ATP10B: variants seen among roughly 807,000 people sequenced by gnomAD.
ATP10B encodes the protein ATPase phospholipid transporting 10B (putative).
Under a neutral mutation model 141.2 loss-of-function variants are expected in ATP10B, and 122 were observed. The observed-to-expected ratio is 0.86, with a 90% CI of 0.75 to 1.00. The LOEUF is 1.00. ATP10B is among the 50% of genes least tolerant of loss of function. The probability of loss-of-function intolerance (pLI) is 0.00; values close to 1 mark genes in which losing one functional copy is unlikely to be tolerated. For synonymous variants in ATP10B, 685 were observed against 692.0 expected (o/e 0.99, Z 0.16); for missense variants, 1,876 against 1,825.3 (o/e 1.03, Z -0.51).
chr5:160,702,739 C>T (rs1003922857), intron 3 of ATP10B, among the ~76,000 whole-genome samples: 1 of 152,128 alleles, frequency 6.6e-6, no homozygotes, highest in Non-Finnish European at 1.5e-5. Context: ...TCCCATTATA[C>T]AAGATTACAA....
At chr5:160,788,063 TTTTA>T (rs1393101107) in intron 1 of ATP10B, among the ~76,000 whole-genome samples, 1 of 152,168 alleles carries the variant, frequency 6.6e-6, no homozygotes, top group African/African-American at 2.4e-5. Context: ...TCACCACCTG[TTTTA>T]TTTGTTACAT....
intron 3 of ATP10B, among the ~76,000 whole-genome samples, chr5:160,697,170 AT>A (rs1340440533): frequency 2.0e-5 from 3 of 152,202 alleles, no homozygotes; most frequent in Non-Finnish European, 4.4e-5. Flanking sequence ...AATTGATGAC[AT>A]TTTAGATTCA....
chr5:160,706,634 T>C lies in ATP10B; in HGVS notation c.-205+10275A>G, dbSNP rs539725572. Among the ~76,000 whole-genome samples the C allele has an allele frequency of 7.2e-5, 11 of 152,290 alleles. No individual in the cohort carries two copies. The South Asian group carries it at 2.1e-3, about 29-fold the overall frequency. On this transcript the variant is annotated intron_variant, in intron 3 of 25. Transcript: ENST00000327245. ...TTTGTTTAAAAATAACCTTTTTATTTTGAAGTAATTTCAGGTTTACAGAAA... is the reference window on the plus strand; with the variant it reads ...TTTGTTTAAAAATAACCTTTTTATTCTGAAGTAATTTCAGGTTTACAGAAA...
intron 2 of ATP10B, among the ~76,000 whole-genome samples, chr5:160,742,792 T>C (rs1767568310): frequency 6.6e-6 from 1 of 152,208 alleles, no homozygotes; most frequent in African/African-American, 2.4e-5. Flanking sequence ...TCCTAGTTTC[T>C]GGTTCTGGAT....
In ATP10B at chr5:160,716,943, G is replaced by A. The variant is rs1765700324; in HGVS notation, c.-239C>T. On this transcript the variant is annotated 5_prime_UTR_variant, in exon 3 of 26. Transcript: ENST00000327245. ...GAGTCCCTTTAAGGAGGTTAGACCAGTGACCTTTGCTGTGCCCCTACAGCC... is the reference window on the plus strand; with the variant it reads ...GAGTCCCTTTAAGGAGGTTAGACCAATGACCTTTGCTGTGCCCCTACAGCC... The A allele has an allele frequency of 1.0e-6, 1 of 985,324 alleles. No individual in the cohort carries two copies. Among genetic ancestry groups the A allele is most frequent in the South Asian group, 4.7e-5 (1 of 21,292 alleles). 61.0% of individuals were successfully genotyped at this position (985,324 alleles called of 1,614,324 possible). A position where few individuals can be genotyped will look rare whatever the true frequency, so the allele number is the denominator to read the frequency against.
Position 160,569,790 on chromosome 5 carries a change from AAC to A in ATP10B, c.3751-109_3751-108del, listed in dbSNP as rs1380558671. The A allele has an allele frequency of 1.7e-5, 16 of 923,900 alleles. No individual in the cohort carries two copies. In the Admixed American group the frequency reaches 1.7e-4, roughly 10 times the overall value. 57.2% of individuals were successfully genotyped at this position (923,900 alleles called of 1,614,324 possible). Reference sequence around the variant, plus strand: ...GTTTCAAACTATTTTTGAAATGCAAAACACACAAAATTCAAAAAAGTGTGCAG... The same window carrying A: ...GTTTCAAACTATTTTTGAAATGCAAAACACAAAATTCAAAAAAGTGTGCAG... On this transcript the variant is annotated intron_variant, in intron 24 of 25. Coordinates refer to ENST00000327245, the MANE Select transcript of ATP10B (RefSeq NM_025153.3).
intron 6 of ATP10B, among the ~76,000 whole-genome samples, chr5:160,675,153 C>T (rs573939657): frequency 2.6e-5 from 4 of 152,308 alleles, no homozygotes; most frequent in Admixed American, 2.0e-4. Context: ...AGAAGTCATT[C>T]TCTCATTAAT....
Position 160,634,385 on chromosome 5 carries a change from G to T in ATP10B, c.1350C>A (p.Ile450=), listed in dbSNP as rs753441225. The T allele has an allele frequency of 6.2e-7, 1 of 1,614,196 alleles. No homozygotes were observed. The highest frequency in any genetic ancestry group is 8.5e-7 in the Non-Finnish European group (1 of 1,180,026). Residue 450 remains isoleucine, a synonymous_variant, in exon 12 of 26, where the codon ATC becomes ATA. Transcript: ENST00000327245. Reference sequence around the variant, plus strand: ...CTTGGTGAGAATACTCGCTGCCCATGATGGTGCAACGTCGGAACACCATCT... The same window carrying T: ...CTTGGTGAGAATACTCGCTGCCCATTATGGTGCAACGTCGGAACACCATCT... ...ENKMVFRRCT[I]MGSEYSHQEN...
At chr5:160,850,396 C>T (rs1401677739) in intron 1 of ATP10B, among the ~76,000 whole-genome samples, 1 of 152,056 alleles carries the variant, frequency 6.6e-6, no homozygotes, top group East Asian at 1.9e-4. Context: ...TGCACGCCAG[C>T]CTGGGTGACA....
chr5:160,785,113 T>G (rs1771039003), intron 2 of ATP10B, among the ~76,000 whole-genome samples: 1 of 152,140 alleles, frequency 6.6e-6, no homozygotes, highest in East Asian at 1.9e-4. Context: ...GACAACCCAC[T>G]GAAGAGGTCA....
the ATP10B span, among the ~76,000 whole-genome samples, chr5:160,899,163 G>A: frequency 6.6e-6 from 1 of 151,922 alleles, no homozygotes; most frequent in Non-Finnish European, 1.5e-5. Context: ...CAATATAAAA[G>A]CATTTCCATT....
At chr5:160,574,689 C>A (rs1157049342) in intron 24 of ATP10B, among the ~76,000 whole-genome samples, 1 of 152,104 alleles carries the variant, frequency 6.6e-6, no homozygotes. Flanking sequence ...GAATTAGATG[C>A]CCTTATAAAA....
At chr5:160,921,271 TTTG>T in the ATP10B span, among the ~76,000 whole-genome samples, 3 of 134,202 alleles carry the variant, frequency 2.2e-5, no homozygotes, top group South Asian at 5.3e-4. Flanking sequence ...TATTCAGCAC[TTTG>T]TTTTTTTTTT....
At chr5:160,824,825 T>TGGAATGCTACGGTCTCGAATGGAATAAAA (rs1367539397) in intron 1 of ATP10B, among the ~76,000 whole-genome samples, 30 of 152,152 alleles carry the variant, frequency 2.0e-4, no homozygotes, top group African/African-American at 7.0e-4. Flanking sequence ...GGTTTTTCAA[T>TGGAATGCTACGGTCTCGAATGGAATAAAA]TGCATGTGAG....
At chr5:160,718,252 C>T (rs1288494498) in intron 2 of ATP10B, among the ~76,000 whole-genome samples, 1 of 152,074 alleles carries the variant, frequency 6.6e-6, no homozygotes, top group South Asian at 2.1e-4. Context: ...TGGGTACATA[C>T]CAGAAAGCCC....
intron 11 of ATP10B, among the ~76,000 whole-genome samples, chr5:160,634,904 A>T (rs1581235659): frequency 1.3e-5 from 2 of 152,270 alleles, no homozygotes; most frequent in African/African-American, 4.8e-5. Flanking sequence ...CTCCCTTTAG[A>T]TCTCTGTGCC....
At chr5:160,813,994 A>G (rs1019703697) in intron 1 of ATP10B, among the ~76,000 whole-genome samples, 1 of 152,192 alleles carries the variant, frequency 6.6e-6, no homozygotes, top group Non-Finnish European at 1.5e-5. Context: ...CGTCACCATC[A>G]TCAAAGACCA....
the ATP10B span, among the ~76,000 whole-genome samples, chr5:160,897,676 T>C: frequency 1.3e-5 from 2 of 152,140 alleles, no homozygotes; most frequent in African/African-American, 2.4e-5. Flanking sequence ...TTTCACAGAA[T>C]TAGAAAAAAA....
intron 2 of ATP10B, among the ~76,000 whole-genome samples, chr5:160,742,612 CCT>C (rs777447061): frequency 6.6e-6 from 1 of 152,178 alleles, no homozygotes; most frequent in Non-Finnish European, 1.5e-5. Flanking sequence ...TCTTTTCTCC[CCT>C]GTCATTCTGA....
Sources: gnomAD v4.1 joint callset for allele counts (sites outside exome capture counted in the v4.1 genomes callset) on GRCh38, gnomAD v4.1.1 for gene constraint, MANE v1.5 for transcripts, NCBI Gene and HGNC (gene_info 2026-07-23, HGNC 2026-07-21) for gene names.